Variants in IGSF11 observed in about 807,000 individuals in gnomAD.
IGSF11 encodes the protein CXADR like 1.
IGSF11 carries 22 observed loss-of-function variants against 41.0 expected under a neutral mutation model. The ratio of observed to expected loss-of-function variants is 0.54; its 90% CI spans 0.38 to 0.77. The LOEUF (loss-of-function observed/expected upper bound fraction) is 0.77. Ranked by LOEUF, IGSF11 falls within the 30% of genes least tolerant of loss-of-function variation. IGSF11 has a pLI of 0.00. For synonymous variants in IGSF11, 219 were observed against 201.3 expected (o/e 1.09, Z -0.74); for missense variants, 444 against 530.8 (o/e 0.84, Z 1.61).
intron 1 of IGSF11, among the ~76,000 whole-genome samples, chr3:119,008,777 A>G (rs1310658274): frequency 6.6e-6 from 1 of 152,206 alleles, no homozygotes; most frequent in Non-Finnish European, 1.5e-5. Context: ...GGTGTTTTTT[A>G]ATGAGATTAA....
At chr3:119,050,672 T>C (rs1339971468) in intron 1 of IGSF11, among the ~76,000 whole-genome samples, 1 of 152,156 alleles carries the variant, frequency 6.6e-6, no homozygotes, top group African/African-American at 2.4e-5. Context: ...TTATAAATCA[T>C]GCTGCTATAA....
chr3:118,957,856 A>G (rs1945071525), intron 1 of IGSF11, among the ~76,000 whole-genome samples: 2 of 152,224 alleles, frequency 1.3e-5, no homozygotes, highest in Admixed American at 1.3e-4. Context: ...GGATAAAATA[A>G]CTAGCATTCC....
At chr3:119,004,197 T>C (rs1576613972) in intron 1 of IGSF11, among the ~76,000 whole-genome samples, 2 of 149,602 alleles carry the variant, frequency 1.3e-5, no homozygotes, top group East Asian at 4.0e-4. Flanking sequence ...CTTGGGAGAG[T>C]GTATGTGTCG....
rs143587839 is a variant in IGSF11 at position 118,904,700 on chromosome 3, A to G, written c.802T>C (p.Trp268Arg). The change falls in exon 6 of 7, where the codon TGG becomes CGG. Residue 268 changes from tryptophan to arginine, a missense_variant. Around this residue, in one of 3 missense-constraint regions of IGSF11, gnomAD observed 223 missense variants for 226.2 expected, o/e 0.99. Coordinates refer to ENST00000393775, the MANE Select transcript of IGSF11 (RefSeq NM_001015887.3). ...TCCTCCTCTTTATTTTTGCTTCTCCAGTAAAAGAATGCCCCTAAAATTAGT... is the reference window on the plus strand; with the variant it reads ...TCCTCCTCTTTATTTTTGCTTCTCCGGTAAAAGAATGCCCCTAAAATTAGT... The part of the protein sequence containing the change: ...IALILGAFFY[W>R]RSKNKEEEEE... 1,381 of 1,612,534 alleles carry G rather than the reference A, an allele frequency of 8.6e-4. 2 individuals are homozygous for G. The highest frequency in any genetic ancestry group is 1.1e-3 in the Non-Finnish European group (1,336 of 1,178,936).
intron 1 of IGSF11, among the ~76,000 whole-genome samples, chr3:119,055,885 G>C (rs376291232): frequency 6.6e-6 from 1 of 152,116 alleles, no homozygotes; most frequent in African/African-American, 2.4e-5. Context: ...GGTACATAAC[G>C]AAATGAAGTC....
Position 118,902,067 on chromosome 3 carries a change from C to T in IGSF11, c.*453G>A, listed in dbSNP as rs76739646. 0.048 allele frequency: 7,668 copies of T among 160,798 alleles called. 333 individuals carry two copies. Among genetic ancestry groups the T allele is most frequent in the Admixed American group, 0.15 (2,539 of 17,032 alleles). 10.0% of individuals were successfully genotyped at this position (160,798 alleles called of 1,614,324 possible). A position where few individuals can be genotyped will look rare whatever the true frequency, so the allele number is the denominator to read the frequency against. ...TTATACCATTAAGCCCTCTATATAA[C>T]GAGGGAATTGGGAGAGACGGAACAT... On this transcript the variant is annotated 3_prime_UTR_variant, in exon 7 of 7. Transcript: ENST00000393775.
chr3:118,957,664 A>T (rs532501989), intron 1 of IGSF11, among the ~76,000 whole-genome samples: 1 of 152,328 alleles, frequency 6.6e-6, no homozygotes, highest in South Asian at 2.1e-4. Context: ...CACAAGCAAC[A>T]TATTTTAAAC....
chr3:118,976,741 T>C (rs1177053855), intron 1 of IGSF11, among the ~76,000 whole-genome samples: 2 of 152,218 alleles, frequency 1.3e-5, no homozygotes, highest in African/African-American at 4.8e-5. Flanking sequence ...CATATTAATG[T>C]ATCAAATGTA....
At chr3:119,038,090 T>C (rs1576711814), upstream of IGSF11, among the ~76,000 whole-genome samples, 1 of 152,162 alleles carries the variant, frequency 6.6e-6, no homozygotes, top group African/African-American at 2.4e-5. Flanking sequence ...TTGGTCCTTT[T>C]AGAAGTAAAA....
At chr3:119,049,322 G>A (rs924920308) in intron 1 of IGSF11, among the ~76,000 whole-genome samples, 18 of 151,664 alleles carry the variant, frequency 1.2e-4, no homozygotes, top group South Asian at 2.1e-4. Context: ...AAATCAATGT[G>A]CAAAAATCAC....
chr3:119,043,665 T>C (rs1440621593), intron 1 of IGSF11, among the ~76,000 whole-genome samples: 1 of 152,190 alleles, frequency 6.6e-6, no homozygotes, highest in Admixed American at 6.5e-5. Context: ...AACACACCTC[T>C]GCCACCTCCA....
At chr3:119,031,863 G>A (rs1034379414) in intron 1 of IGSF11, among the ~76,000 whole-genome samples, 1 of 152,246 alleles carries the variant, frequency 6.6e-6, no homozygotes, top group African/African-American at 2.4e-5. Flanking sequence ...AAAGGTTCAT[G>A]ACTTTTTTCA....
At chr3:118,938,322 G>A (rs1943432290) in intron 1 of IGSF11, among the ~76,000 whole-genome samples, 2 of 152,052 alleles carry the variant, frequency 1.3e-5, no homozygotes, top group African/African-American at 2.4e-5. Flanking sequence ...CCTGCATTTC[G>A]CATGGCCATT....
chr3:119,034,603 G>T lies in IGSF11; in HGVS notation c.-21C>A. On this transcript the variant is annotated 5_prime_UTR_variant, in exon 1 of 7. Coordinates refer to ENST00000393775, the MANE Select transcript of IGSF11 (RefSeq NM_001015887.3). ...GTCATCCCGGGGCCGCAGGGAGCGC[G>T]CCTGCCTCCTACCCGGCTCCCGGTC... 1 of 1,578,160 alleles carries T rather than the reference G, an allele frequency of 6.3e-7. No homozygotes were observed. Among genetic ancestry groups the T allele is most frequent in the Non-Finnish European group, 8.6e-7 (1 of 1,163,916 alleles).
At chr3:118,917,519 C>A (rs1224140331) in intron 4 of IGSF11, among the ~76,000 whole-genome samples, 135 of 134,592 alleles carry the variant, frequency 1.0e-3, no homozygotes, top group East Asian at 7.0e-3. Flanking sequence ...GAAATGGATA[C>A]ATTCCTCGAC....
chr3:119,144,321 T>C (rs1035458716), intron 1 of IGSF11, among the ~76,000 whole-genome samples: 1 of 152,182 alleles, frequency 6.6e-6, no homozygotes, highest in African/African-American at 2.4e-5. Context: ...ACCTAACGCA[T>C]ATGAAGAACA....
At chr3:119,100,150 G>A (rs1430550895) in intron 1 of IGSF11, among the ~76,000 whole-genome samples, 1 of 152,130 alleles carries the variant, frequency 6.6e-6, no homozygotes, top group Non-Finnish European at 1.5e-5. Flanking sequence ...ACTGCAGAAA[G>A]CAAAAGCATG....
At chr3:119,120,349 CTTCT>C (rs2077315736) in intron 1 of IGSF11, among the ~76,000 whole-genome samples, 2 of 152,220 alleles carry the variant, frequency 1.3e-5, no homozygotes, top group Admixed American at 1.3e-4. Context: ...AGTGAAATGG[CTTCT>C]TTGTCTGGGG....
intron 1 of IGSF11, among the ~76,000 whole-genome samples, chr3:118,952,332 A>T (rs936215785): frequency 2.0e-5 from 3 of 152,136 alleles, no homozygotes; most frequent in African/African-American, 4.8e-5. Context: ...TCCTTTCATG[A>T]AAGATTTCTC....
Sources: gnomAD v4.1 joint callset for allele counts (sites outside exome capture counted in the v4.1 genomes callset) on GRCh38, gnomAD v4.1.1 for gene constraint, gnomAD v4.1.1 regional missense constraint, MANE v1.5 for transcripts, NCBI Gene and HGNC (gene_info 2026-07-23, HGNC 2026-07-21) for gene names.